PRLR: variants seen among roughly 807,000 people sequenced by gnomAD.
PRLR encodes the protein prolactin receptor.
PRLR carries 13 observed loss-of-function variants against 40.2 expected under a neutral mutation model. The observed-to-expected ratio is 0.32, with a 90% CI of 0.21 to 0.51. The LOEUF (loss-of-function observed/expected upper bound fraction) is 0.51, where lower values mean the gene tolerates loss of function less well. PRLR is among the 20% of genes least tolerant of loss of function. The probability of loss-of-function intolerance (pLI) is 0.97; values close to 1 mark genes in which losing one functional copy is unlikely to be tolerated. For synonymous variants in PRLR, 269 were observed against 278.7 expected (o/e 0.97, Z 0.35); for missense variants, 656 against 747.3 (o/e 0.88, Z 1.42).
intron 1 of PRLR, among the ~76,000 whole-genome samples, chr5:35,173,497 T>A (rs1775058618): frequency 6.6e-6 from 1 of 152,138 alleles, no homozygotes; most frequent in African/African-American, 2.4e-5. Context: ...TCTGGCAGAA[T>A]CATTTAGCAG....
chr5:35,178,012 G>C (rs906164352), intron 1 of PRLR, among the ~76,000 whole-genome samples: 4 of 151,458 alleles, frequency 2.6e-5, no homozygotes, highest in Non-Finnish European at 2.9e-5. Flanking sequence ...AGCCATCCTA[G>C]TGACTGTGAA....
At chr5:35,105,048 ATTTGCTGTTCT>A (rs1772146028) in intron 2 of PRLR, among the ~76,000 whole-genome samples, 1 of 152,092 alleles carries the variant, frequency 6.6e-6, no homozygotes, top group Non-Finnish European at 1.5e-5. Flanking sequence ...AGGCAGCAAC[ATTTGCTGTTCT>A]GCAATATTTG....
At chr5:35,219,064 C>A (rs1379949736) in intron 1 of PRLR, among the ~76,000 whole-genome samples, 1 of 152,134 alleles carries the variant, frequency 6.6e-6, no homozygotes, top group East Asian at 1.9e-4. Context: ...TGGCAGATGG[C>A]AGGTGGTTTA....
intron 1 of PRLR, among the ~76,000 whole-genome samples, chr5:35,228,730 G>C (rs1208165969): frequency 1.3e-5 from 2 of 152,178 alleles, no homozygotes. Context: ...GAGAGAGCAT[G>C]TGGGGAGCTC....
chr5:35,066,053 G>T lies in PRLR; in HGVS notation c.905C>A (p.Pro302His), dbSNP rs1329310343. 2.5e-6 allele frequency: 4 copies of T among 1,613,994 alleles called. No individual in the cohort carries two copies. The highest frequency in any genetic ancestry group is 3.3e-4 in the Middle Eastern group (2 of 6,064). The change falls in exon 10 of 10, where the codon CCT (proline) becomes CAT (histidine). Residue 302 changes from proline (P) to histidine (H), a missense_variant. Physicochemically the swap from Pro to His is moderately conservative, Grantham distance 77 (BLOSUM62 -2). This residue lies in a region of PRLR where 469 missense variants were observed against 491.5 expected (regional missense o/e 0.95). Transcript: ENST00000618457. ...LLSALGCQDFPPTSDYEDLLV... is the reference protein window; with the variant it reads ...LLSALGCQDFHPTSDYEDLLV... ...CAAGTCCTCATAGTCAGAAGTGGGA[G>T]GAAAGTCTTGGCATCCCAAGGCACT...
intron 1 of PRLR, among the ~76,000 whole-genome samples, chr5:35,168,456 A>G (rs1043740611): frequency 2.0e-5 from 3 of 152,118 alleles, no homozygotes; most frequent in Non-Finnish European, 4.4e-5. Context: ...CCTGAATCAT[A>G]ACATTGTTTC....
chr5:35,172,284 C>G (rs1351657736), intron 1 of PRLR, among the ~76,000 whole-genome samples: 1 of 152,232 alleles, frequency 6.6e-6, no homozygotes, highest in African/African-American at 2.4e-5. Context: ...TGACCTGCAA[C>G]CTGCTCTGAA....
Position 35,202,973 on chromosome 5 carries a change from C to T in PRLR, c.-106+27295G>A, listed in dbSNP as rs73766774. The stretch of plus-strand genomic sequence containing the variant: ...CTGTCCTCTGACAATCAAATAGGGA[C>T]GTGTTGCAAAGTGAGCCCCCCATTG... On this transcript the variant is annotated intron_variant, in intron 1 of 9. Transcript: ENST00000618457. 2.5e-3 allele frequency among the ~76,000 whole-genome samples: 385 copies of T among 152,222 alleles called. 1 individual carries two copies. Among genetic ancestry groups the T allele is most frequent in the African/African-American group, 8.9e-3 (371 of 41,530 alleles).
At chr5:35,108,535 A>G (rs1772427896) in intron 2 of PRLR, among the ~76,000 whole-genome samples, 1 of 152,240 alleles carries the variant, frequency 6.6e-6, no homozygotes, top group South Asian at 2.1e-4. Flanking sequence ...TACAAAATCA[A>G]TGTGCAAAAA....
rs531455246 is a variant in PRLR at position 35,049,445 on chromosome 5, C to A, written c.1010-37G>T. The A allele has an allele frequency of 8.4e-5, 59 of 700,552 alleles. No homozygotes were observed. In the South Asian group the frequency reaches 8.8e-4, roughly 10 times the overall value. The allele number at this position is 700,552 out of a possible 1,614,324, so 43.4% of individuals were successfully genotyped here. On this transcript the variant is annotated intron_variant, in intron 8 of 8. Transcript: ENST00000231423. ...AAGAAAAACAGTACATTCTGAATAA[C>A]TTCTAGAGGGAAAGTGGGAGGTTAT... is the stretch of plus-strand genomic sequence containing the variant.
At chr5:35,109,612 A>G (rs1579669590) in intron 2 of PRLR, among the ~76,000 whole-genome samples, 1 of 152,362 alleles carries the variant, frequency 6.6e-6, no homozygotes, top group South Asian at 2.1e-4. Context: ...AGACACATGA[A>G]AAAATGCTCA....
chr5:35,072,402 C>A (rs1336384092), intron 6 of PRLR, among the ~76,000 whole-genome samples, 173 bp downstream of exon 6: 1 of 152,032 alleles, frequency 6.6e-6, no homozygotes, highest in Non-Finnish European at 1.5e-5. Flanking sequence ...GAAGATGAGC[C>A]CCCATCAATC....
chr5:35,091,569 G>A (rs550542204), intron 2 of PRLR, among the ~76,000 whole-genome samples: 36 of 152,322 alleles, frequency 2.4e-4, no homozygotes, highest in African/African-American at 8.2e-4. Context: ...ATCCTGACTT[G>A]TGGAAAGTCT....
intron 5 of PRLR, 111 bp from the exon 6 acceptor site, chr5:35,072,855 TG>T: frequency 7.8e-7 from 1 of 1,280,722 alleles, no homozygotes; most frequent in Non-Finnish European, 1.1e-6. Context: ...CTCTTCCCAC[TG>T]TACTATAAGC....
At chr5:35,187,179 C>A (rs1775463192) in intron 1 of PRLR, among the ~76,000 whole-genome samples, 2 of 151,988 alleles carry the variant, frequency 1.3e-5, no homozygotes, top group Admixed American at 1.3e-4. Context: ...GGCACGTGGA[C>A]CACTTGAGGT....
chr5:35,120,924 G>A (rs2111729537), intron 1 of PRLR, among the ~76,000 whole-genome samples: 1 of 152,318 alleles, frequency 6.6e-6, no homozygotes, highest in Admixed American at 6.5e-5. Context: ...TACAAAAGCA[G>A]CCGTAGACAA....
At chr5:35,155,484 T>C (rs974414720) in intron 1 of PRLR, among the ~76,000 whole-genome samples, 7 of 152,162 alleles carry the variant, frequency 4.6e-5, no homozygotes, top group Middle Eastern at 3.2e-3. Flanking sequence ...CATCGACTAT[T>C]GGGAGCAAGG....
intron 1 of PRLR, among the ~76,000 whole-genome samples, chr5:35,185,947 G>A (rs548361671): frequency 1.5e-4 from 23 of 152,246 alleles, no homozygotes; most frequent in Non-Finnish European, 2.8e-4. Flanking sequence ...GGGGTGGAAC[G>A]GGACCTGAGA....
intron 1 of PRLR, among the ~76,000 whole-genome samples, chr5:35,228,637 G>A (rs1776613157): frequency 6.6e-6 from 1 of 152,172 alleles, no homozygotes; most frequent in South Asian, 2.1e-4. Context: ...AAAATTCTAG[G>A]GGTAAGGACT....
Sources: allele counts gnomAD v4.1 joint callset (sites outside exome capture counted in the v4.1 genomes callset), GRCh38; gene constraint gnomAD v4.1.1; regional missense constraint gnomAD v4.1.1; transcripts MANE v1.5; gene names NCBI Gene and HGNC (gene_info 2026-07-23, HGNC 2026-07-21).